CYFIP2: variants seen among roughly 807,000 people sequenced by gnomAD.
CYFIP2 encodes the protein cytoplasmic FMR1 interacting protein 2.
In CYFIP2, 29 loss-of-function variants were observed where a neutral mutation model predicts 158.7. The observed-to-expected ratio is 0.18, with a 90% CI of 0.14 to 0.25. The LOEUF is 0.25. Among genes scored for constraint, CYFIP2 ranks in the 10% least tolerant of loss-of-function variants. CYFIP2 has a pLI of 1.00. For synonymous variants in CYFIP2, 585 were observed against 617.6 expected (o/e 0.95, Z 0.78); for missense variants, 852 against 1,639.5 (o/e 0.52, Z 8.29).
At chr5:157,323,161 A>AC (rs1760742494) in intron 15 of CYFIP2, 1 of 772,468 alleles carries the variant, frequency 1.3e-6, no homozygotes, top group African/African-American at 1.7e-5. Context: ...AAAGAGAACC[A>AC]CCCCACCGCA....
intron 23 of CYFIP2, among the ~76,000 whole-genome samples, chr5:157,358,358 C>A (rs971201129): frequency 2.0e-5 from 3 of 152,326 alleles, no homozygotes; most frequent in African/African-American, 7.2e-5. Context: ...GCCTGCTTCA[C>A]ATATGAAGTT....
chr5:157,327,605 A>T (rs1761127987), intron 18 of CYFIP2, among the ~76,000 whole-genome samples: 1 of 152,106 alleles, frequency 6.6e-6, no homozygotes, highest in Admixed American at 6.5e-5. Context: ...AATACAATGA[A>T]AATAACATCC....
chr5:157,294,918 C>T (rs1205498363), intron 4 of CYFIP2, 58 bp downstream of exon 4: 4 of 1,400,860 alleles, frequency 2.9e-6, no homozygotes, highest in Non-Finnish European at 4.0e-6. Flanking sequence ...CTAACCCCTA[C>T]TTCATCCCCA....
chr5:157,274,254 C>G (rs1756362509), intron 1 of CYFIP2, among the ~76,000 whole-genome samples: 1 of 152,092 alleles, frequency 6.6e-6, no homozygotes, highest in African/African-American at 2.4e-5. Context: ...GCCTTTAGCA[C>G]CACCACCTAT....
intron 26 of CYFIP2, among the ~76,000 whole-genome samples, chr5:157,378,389 A>G (rs981660775): frequency 4.6e-5 from 7 of 152,228 alleles, no homozygotes; most frequent in African/African-American, 1.7e-4. Flanking sequence ...CAAAAACCCA[A>G]TAAGTCAACA....
intron 23 of CYFIP2, among the ~76,000 whole-genome samples, chr5:157,350,517 C>T (rs1016473123): frequency 2.6e-5 from 4 of 152,160 alleles, no homozygotes; most frequent in African/African-American, 7.2e-5. Context: ...CATGCTGTTT[C>T]GTGACTATAG....
intron 1 of CYFIP2, among the ~76,000 whole-genome samples, chr5:157,281,455 A>G (rs1156740143): frequency 6.6e-6 from 1 of 152,202 alleles, no homozygotes; most frequent in Non-Finnish European, 1.5e-5. Flanking sequence ...AGACAGGTTA[A>G]ATGTTTGCTT....
At chr5:157,378,453 A>G (rs1227919081) in intron 26 of CYFIP2, among the ~76,000 whole-genome samples, 1 of 152,192 alleles carries the variant, frequency 6.6e-6, no homozygotes, top group African/African-American at 2.4e-5. Context: ...AGGTGTTAAG[A>G]TTTTAAGTGA....
intron 8 of CYFIP2, 104 bp from the exon 9 acceptor site, chr5:157,307,653 GTGTA>G (rs1265322555): frequency 1.3e-4 from 78 of 618,788 alleles, no homozygotes; most frequent in African/African-American, 9.8e-4. Flanking sequence ...GTGTGTGTGT[GTGTA>G]TGTGTGTGTG....
chr5:157,358,056 G>T (rs1468572366), intron 23 of CYFIP2, among the ~76,000 whole-genome samples: 1 of 152,102 alleles, frequency 6.6e-6, no homozygotes, highest in African/African-American at 2.4e-5. Context: ...ACATAGATTT[G>T]TCGGGTGGAT....
At chr5:157,272,846 G>T (rs996444261) in intron 1 of CYFIP2, among the ~76,000 whole-genome samples, 2 of 151,952 alleles carry the variant, frequency 1.3e-5, no homozygotes, top group Admixed American at 1.3e-4. Flanking sequence ...AATTTTTGTT[G>T]CAATACTTGT....
At chr5:157,273,868 C>T (rs1756316077) in intron 1 of CYFIP2, among the ~76,000 whole-genome samples, 1 of 152,122 alleles carries the variant, frequency 6.6e-6, no homozygotes, top group Non-Finnish European at 1.5e-5. Context: ...GGCATGGTGG[C>T]TCATGTCTGT....
At chr5:157,340,021 T>C (rs1762133312) in intron 22 of CYFIP2, among the ~76,000 whole-genome samples, 1 of 152,220 alleles carries the variant, frequency 6.6e-6, no homozygotes, top group South Asian at 2.1e-4. Flanking sequence ...GATATCCACG[T>C]ATCTGAAAGC....
intron 1 of CYFIP2, among the ~76,000 whole-genome samples, chr5:157,281,483 A>G (rs1756983113): frequency 1.3e-5 from 2 of 152,218 alleles, no homozygotes; most frequent in South Asian, 4.1e-4. Context: ...CCAATTCTCA[A>G]CATAAAGGTT....
chr5:157,295,073 C>T (rs1758143445), intron 4 of CYFIP2, among the ~76,000 whole-genome samples: 1 of 152,116 alleles, frequency 6.6e-6, no homozygotes, highest in African/African-American at 2.4e-5. Flanking sequence ...CACATTTGTT[C>T]AATATATTTT....
intron 26 of CYFIP2, among the ~76,000 whole-genome samples, chr5:157,367,587 A>G (rs140405338): frequency 4.6e-5 from 7 of 152,214 alleles, no homozygotes; most frequent in Non-Finnish European, 8.8e-5. Flanking sequence ...GTTCTTTTCA[A>G]CAGTTCCATC....
intron 23 of CYFIP2, chr5:157,342,439 A>G (rs1762337398): frequency 6.3e-6 from 1 of 157,840 alleles, no homozygotes; most frequent in Admixed American, 6.4e-5. Flanking sequence ...TTTCCAAATA[A>G]TCCCCTCAAG....
At chr5:157,292,391 G>T (rs372921164) in intron 3 of CYFIP2, among the ~76,000 whole-genome samples, 1 of 151,876 alleles carries the variant, frequency 6.6e-6, no homozygotes, top group East Asian at 1.9e-4. Context: ...GGCTAACTTT[G>T]TATTTTTAGT....
intron 23 of CYFIP2, among the ~76,000 whole-genome samples, chr5:157,344,243 T>C (rs1399054054): frequency 3.9e-5 from 6 of 152,190 alleles, no homozygotes; most frequent in African/African-American, 1.2e-4. Flanking sequence ...TCTGCTGTTA[T>C]TATGAATGTT....
Sources: gnomAD v4.1 joint callset for allele counts (sites outside exome capture counted in the v4.1 genomes callset) on GRCh38, gnomAD v4.1.1 for gene constraint, MANE v1.5 for transcripts, NCBI Gene and HGNC (gene_info 2026-07-23, HGNC 2026-07-21) for gene names.